Variants in SPTA1 observed in about 807,000 individuals in gnomAD.
SPTA1 encodes spectrin alpha chain, erythrocytic 1.
SPTA1 carries 177 observed loss-of-function variants against 324.7 expected under a neutral mutation model. The ratio of observed to expected loss-of-function variants is 0.55; its 90% CI spans 0.48 to 0.62. The LOEUF is 0.62. Ranked by LOEUF, SPTA1 falls within the 20% of genes least tolerant of loss-of-function variation. The probability of loss-of-function intolerance (pLI) is 0.00; values close to 1 mark genes in which losing one functional copy is unlikely to be tolerated. For missense variants in SPTA1, 3,162 were observed against 2,883.6 expected (o/e 1.10, Z -2.21); for synonymous variants, 1,195 against 1,041.3 (o/e 1.15, Z -2.84).
In SPTA1 at chr1:158,624,149, G is replaced by A. The variant is rs376483150; in HGVS notation, c.5911-957C>T. Among the ~76,000 whole-genome samples the A allele has an allele frequency of 2.0e-5, 3 of 152,310 alleles. No individual in the cohort carries two copies. The East Asian group carries it at 5.8e-4, about 29-fold the overall frequency. The stretch of plus-strand genomic sequence containing the variant: ...GGTAGAAGTCTACTGCAGGGGCAGA[G>A]TCCTCATGGAGAACCTCTGCTAAGG... On this transcript the variant is annotated intron_variant, in intron 42 of 51. Transcript: ENST00000643759.
Position 158,653,406 on chromosome 1 carries a change from G to GCTTCCAC in SPTA1, c.3049_3055dup (p.Ala1019GlyfsTer5). 1 of 1,614,084 alleles carries GCTTCCAC rather than the reference G, an allele frequency of 6.2e-7. No homozygotes were observed. Among genetic ancestry groups the GCTTCCAC allele is most frequent in the Non-Finnish European group, 8.5e-7 (1 of 1,180,006 alleles). ...TGGGACAATGCCCTGATGATCAGCA[G>GCTTCCAC]CTTCCACCTTCCACCAGTCCTGAAG... On this transcript the variant is annotated frameshift_variant, in exon 22 of 52. Transcript: ENST00000643759. LOFTEE classifies it high-confidence loss of function.
chr1:158,624,767 C>T (rs1650161907), intron 42 of SPTA1, among the ~76,000 whole-genome samples: 1 of 152,156 alleles, frequency 6.6e-6, no homozygotes, highest in African/African-American at 2.4e-5. Context: ...GTATAGGGCA[C>T]AAGTCTAGAA....
At chr1:158,664,009 G>A (rs146761269) in intron 16 of SPTA1, among the ~76,000 whole-genome samples, 64 of 151,648 alleles carry the variant, frequency 4.2e-4, no homozygotes, top group African/African-American at 1.5e-3. Context: ...TGGACTATCA[G>A]TAACTTCTTA....
chr1:158,652,371 T>G (rs1652506333), intron 23 of SPTA1, 96 bp downstream of exon 23: 2 of 1,411,018 alleles, frequency 1.4e-6, no homozygotes, highest in East Asian at 4.6e-5. Context: ...GGGAGAATAT[T>G]TAACAAGTGT....
chr1:158,682,088 A>C (rs953231857), intron 3 of SPTA1, among the ~76,000 whole-genome samples: 1 of 152,176 alleles, frequency 6.6e-6, no homozygotes, highest in African/African-American at 2.4e-5. Flanking sequence ...TGTCTGCCAG[A>C]AAGTGTGAGA....
intron 33 of SPTA1, among the ~76,000 whole-genome samples, chr1:158,642,132 G>A (rs1414670538): frequency 6.6e-6 from 1 of 151,984 alleles, no homozygotes; most frequent in Non-Finnish European, 1.5e-5. Context: ...ACACAGGAAT[G>A]GGAACATCAC....
rs1557929842 is a variant in SPTA1 at position 158,626,186 on chromosome 1, C to A, written c.5870G>T (p.Gly1957Val). 1 of 1,613,744 alleles carries A rather than the reference C, an allele frequency of 6.2e-7. No individual in the cohort carries two copies. The highest frequency in any genetic ancestry group is 2.2e-5 in the East Asian group (1 of 44,840). The change falls in exon 42 of 52, where the codon GGT (glycine) becomes GTT (valine). Residue 1957 changes from glycine to valine, a missense_variant. Physicochemically the swap from Gly to Val is moderately radical, Grantham distance 109 (BLOSUM62 -3). Coordinates refer to ENST00000643759, the MANE Select transcript of SPTA1 (RefSeq NM_003126.4). ...KETSLKTNGN[G>V]ADLGDFLTLL... ...AGTGAGGAAGTCACCAAGGTCTGCA[C>A]CATTGCCATTGGTCTTTAGGCTTGT...
At chr1:158,657,753 A>C in intron 18 of SPTA1, 59 bp from the exon 19 acceptor site, 1 of 1,524,806 alleles carries the variant, frequency 6.6e-7, no homozygotes, top group Non-Finnish European at 9.1e-7. Context: ...CCATACTCTA[A>C]TCCTTTTGGT....
chr1:158,667,484 A>T (rs1004556299), intron 15 of SPTA1, among the ~76,000 whole-genome samples: 1 of 152,170 alleles, frequency 6.6e-6, no homozygotes, highest in Non-Finnish European at 1.5e-5. Flanking sequence ...AATGAGTCAT[A>T]ATATCTTGTC....
chr1:158,673,681 A>C (rs1412249114), intron 10 of SPTA1, among the ~76,000 whole-genome samples: 1 of 152,220 alleles, frequency 6.6e-6, no homozygotes, highest in Non-Finnish European at 1.5e-5. Context: ...TGGAGTTTAC[A>C]GTCTAGAGAT....
intron 2 of SPTA1, 39 bp from the exon 3 acceptor site, chr1:158,683,535 C>T: frequency 1.2e-6 from 2 of 1,610,870 alleles, no homozygotes; most frequent in Non-Finnish European, 1.7e-6. Context: ...TAATGAAGCA[C>T]AGTCTTCATG....
intron 39 of SPTA1, among the ~76,000 whole-genome samples, chr1:158,631,565 C>T (rs1374124368): frequency 5.9e-5 from 9 of 151,882 alleles, no homozygotes; most frequent in African/African-American, 9.7e-5. Context: ...AGAACTTATC[C>T]ATATAACCAA....
At chr1:158,666,799 T>C (rs1027950196) in intron 15 of SPTA1, among the ~76,000 whole-genome samples, 1 of 152,214 alleles carries the variant, frequency 6.6e-6, no homozygotes, top group African/African-American at 2.4e-5. Flanking sequence ...TGATTTTTAC[T>C]CTCTATCCAG....
chr1:158,664,263 G>C (rs1468790082), intron 16 of SPTA1, among the ~76,000 whole-genome samples: 1 of 152,076 alleles, frequency 6.6e-6, no homozygotes, highest in African/African-American at 2.4e-5. Context: ...CAATAGCAAA[G>C]ACTTAAAAGC....
rs1651033373 is a variant in SPTA1, at chr1:158,635,912, C to T, written c.5432+1G>A. ...AACTGGGCCTTCTGTATCCCACTCA[C>T]CGGGCCTTGGCCAACTCTTTGAGCT... On this transcript the variant is annotated splice_donor_variant, in intron 38 of 51. Transcript: ENST00000643759. LOFTEE classifies it high-confidence loss of function. 1.2e-6 allele frequency: 2 copies of T among 1,614,032 alleles called. No homozygotes were observed. Among genetic ancestry groups the T allele is most frequent in the Non-Finnish European group, 1.7e-6 (2 of 1,180,022 alleles).
chr1:158,675,395 T>C (rs151085958), intron 8 of SPTA1, among the ~76,000 whole-genome samples: 1 of 152,240 alleles, frequency 6.6e-6, no homozygotes, highest in Admixed American at 6.5e-5. Context: ...TTTCCAGCTT[T>C]TTGACCCATT....
At chr1:158,638,904 T>G (rs1651313190) in intron 35 of SPTA1, among the ~76,000 whole-genome samples, 1 of 152,080 alleles carries the variant, frequency 6.6e-6, no homozygotes, top group African/African-American at 2.4e-5. Flanking sequence ...CAAGAACTAC[T>G]CTATGGGCAA....
chr1:158,651,835 A>T (rs150796770), intron 23 of SPTA1, among the ~76,000 whole-genome samples: 1,797 of 151,604 alleles, frequency 0.012, 32 homozygotes, highest in African/African-American at 0.041. Flanking sequence ...CTGAGTTATT[A>T]TCTGCCTATA....
At chr1:158,678,627 T>G in intron 5 of SPTA1, 93 bp from the exon 6 acceptor site, 1 of 1,449,602 alleles carries the variant, frequency 6.9e-7, no homozygotes, top group Non-Finnish European at 9.4e-7. Context: ...AGTTCATACT[T>G]TTACAGAAGT....
Sources: gnomAD v4.1 joint callset for allele counts (sites outside exome capture counted in the v4.1 genomes callset) on GRCh38, gnomAD v4.1.1 for gene constraint, MANE v1.5 for transcripts, NCBI Gene and HGNC (gene_info 2026-07-23, HGNC 2026-07-21) for gene names.